Variants in PRKCE observed in about 807,000 individuals in gnomAD.
The protein encoded by PRKCE is protein kinase C epsilon.
PRKCE carries 16 observed loss-of-function variants against 85.4 expected under a neutral mutation model. That is an observed-to-expected ratio of 0.19 (90% CI 0.13 to 0.28). PRKCE has a LOEUF of 0.28. Ranked by LOEUF, PRKCE falls within the 10% of genes least tolerant of loss-of-function variation. The probability of loss-of-function intolerance (pLI) is 1.00; values close to 1 mark genes in which losing one functional copy is unlikely to be tolerated. For synonymous variants in PRKCE, 388 were observed against 371.5 expected, an observed-to-expected ratio of 1.04 and a Z score of -0.51; for missense variants, 573 against 975.2, an observed-to-expected ratio of 0.59 and a Z score of 5.49.
chr2:45,926,839 G>T (rs1487269354), intron 2 of PRKCE, among the ~76,000 whole-genome samples: 3 of 152,232 alleles, frequency 2.0e-5, no homozygotes, highest in Non-Finnish European at 4.4e-5. Flanking sequence ...TATAGAATGT[G>T]TGGTGTGTGC....
intron 10 of PRKCE, among the ~76,000 whole-genome samples, chr2:46,083,141 G>A (rs1413542092): frequency 1.3e-5 from 2 of 152,188 alleles, no homozygotes; most frequent in African/African-American, 4.8e-5. Flanking sequence ...TGTATAGACA[G>A]GGTTTCGCCA....
intron 10 of PRKCE, among the ~76,000 whole-genome samples, chr2:46,020,597 G>A (rs921335210): frequency 6.6e-6 from 1 of 152,158 alleles, no homozygotes; most frequent in Admixed American, 6.5e-5. Flanking sequence ...TCATTGTTTA[G>A]ATCACGCACA....
intron 12 of PRKCE, among the ~76,000 whole-genome samples, chr2:46,147,272 T>C (rs1020509459): frequency 2.0e-5 from 3 of 152,254 alleles, no homozygotes; most frequent in African/African-American, 7.2e-5. Flanking sequence ...TCTCGTGTTC[T>C]TCGTTCATTC....
intron 10 of PRKCE, among the ~76,000 whole-genome samples, chr2:46,037,203 G>A (rs1431441125): frequency 1.3e-5 from 2 of 152,140 alleles, no homozygotes; most frequent in Non-Finnish European, 2.9e-5. Flanking sequence ...TTCTCTTTCC[G>A]CCTTTCTGGA....
chr2:45,925,453 G>A (rs920115009), intron 2 of PRKCE, among the ~76,000 whole-genome samples: 4 of 152,056 alleles, frequency 2.6e-5, no homozygotes, highest in East Asian at 1.9e-4. Flanking sequence ...CCACCACCAC[G>A]CCCAGCTAAC....
intron 1 of PRKCE, among the ~76,000 whole-genome samples, chr2:45,756,795 G>A (rs996644960): frequency 2.0e-5 from 3 of 152,220 alleles, no homozygotes; most frequent in Non-Finnish European, 4.4e-5. Flanking sequence ...AAGTAAAACA[G>A]TGGTTGCCTC....
At chr2:45,717,097 C>T (rs370168432) in intron 1 of PRKCE, among the ~76,000 whole-genome samples, 1 of 152,182 alleles carries the variant, frequency 6.6e-6, no homozygotes, top group African/African-American at 2.4e-5. Flanking sequence ...ATGGTGATGC[C>T]TCTGCTATCT....
At chr2:45,795,292 G>A (rs2105128852) in intron 1 of PRKCE, among the ~76,000 whole-genome samples, 1 of 152,146 alleles carries the variant, frequency 6.6e-6, no homozygotes, top group East Asian at 1.9e-4. Context: ...CCTCAAACCT[G>A]AACCACTTGA....
intron 1 of PRKCE, among the ~76,000 whole-genome samples, chr2:45,777,587 C>A (rs540311048): frequency 4.6e-5 from 7 of 152,110 alleles, no homozygotes; most frequent in Non-Finnish European, 1.0e-4. Flanking sequence ...TAGCACCCTG[C>A]GTACTTGATA....
intron 2 of PRKCE, among the ~76,000 whole-genome samples, chr2:45,944,540 G>A (rs993534834): frequency 6.6e-6 from 1 of 151,962 alleles, no homozygotes; most frequent in Non-Finnish European, 1.5e-5. Context: ...CCAGGCTGGA[G>A]TACAGTGATG....
chr2:45,807,942 C>T (rs1390276537), intron 1 of PRKCE, among the ~76,000 whole-genome samples: 6 of 151,878 alleles, frequency 4.0e-5, no homozygotes, highest in African/African-American at 7.3e-5. Flanking sequence ...TTTGAAAATT[C>T]GAAGGGTATT....
rs747191920 is a variant in PRKCE at position 46,075,326 on chromosome 2, G to A, written c.1438-10882G>A. Among the ~76,000 whole-genome samples the A allele has an allele frequency of 7.9e-5, 12 of 151,018 alleles. No individual in the cohort carries two copies. The South Asian group carries it at 8.6e-4, about 11-fold the overall frequency. ...GCTGGGATTACAGGCGTGAGCCACC[G>A]TGCCCGGCCCGCTCAAAAATCTTAT... On this transcript the variant is annotated intron_variant, in intron 10 of 14. Coordinates refer to ENST00000306156, the MANE Select transcript of PRKCE (RefSeq NM_005400.3).
intron 10 of PRKCE, among the ~76,000 whole-genome samples, chr2:46,040,300 C>T (rs896669121): frequency 2.0e-5 from 3 of 152,072 alleles, no homozygotes; most frequent in East Asian, 1.9e-4. Context: ...AAAGAGGAGA[C>T]GAGTGGAAAG....
chr2:45,835,615 A>G (rs1358848828), intron 1 of PRKCE, among the ~76,000 whole-genome samples: 14 of 134,888 alleles, frequency 1.0e-4, no homozygotes, highest in African/African-American at 3.9e-4. Flanking sequence ...TTTTTTTTTT[A>G]AGAGACAGGA....
intron 1 of PRKCE, among the ~76,000 whole-genome samples, chr2:45,653,751 A>G (rs998181749): frequency 6.6e-6 from 1 of 152,188 alleles, no homozygotes; most frequent in Admixed American, 6.5e-5. Flanking sequence ...AACCATGGTT[A>G]CGGTTTCACA....
chr2:45,775,301 G>A (rs1263126809), intron 1 of PRKCE, among the ~76,000 whole-genome samples: 8 of 152,130 alleles, frequency 5.3e-5, no homozygotes, highest in East Asian at 1.9e-4. Flanking sequence ...AGTGTGCCCC[G>A]TGTGCATGTA....
chr2:46,162,454 C>T (rs1677870946), intron 14 of PRKCE, among the ~76,000 whole-genome samples: 1 of 152,156 alleles, frequency 6.6e-6, no homozygotes, highest in Non-Finnish European at 1.5e-5. Flanking sequence ...CTGACTTCAT[C>T]GTTGCCTTGA....
At chr2:46,143,523 C>T (rs143097554) in intron 11 of PRKCE, among the ~76,000 whole-genome samples, 130 of 152,238 alleles carry the variant, frequency 8.5e-4, no homozygotes, top group African/African-American at 3.0e-3. Flanking sequence ...AATAAGCCTA[C>T]AAGCAGGAGC....
intron 2 of PRKCE, among the ~76,000 whole-genome samples, chr2:45,843,276 A>G (rs1691507903): frequency 6.6e-6 from 1 of 152,238 alleles, no homozygotes; most frequent in South Asian, 2.1e-4. Flanking sequence ...AAGATTTTGG[A>G]CTTACCAAGT....
Sources: allele counts gnomAD v4.1 joint callset (sites outside exome capture counted in the v4.1 genomes callset), GRCh38; gene constraint gnomAD v4.1.1; transcripts MANE v1.5; gene names NCBI Gene and HGNC (gene_info 2026-07-23, HGNC 2026-07-21).